OR1D2: variants seen among roughly 807,000 people sequenced by gnomAD.
The protein encoded by OR1D2 is olfactory receptor family 1 subfamily D member 2.
For synonymous variants in OR1D2, 157 were observed against 153.9 expected (o/e 1.02, Z -0.15); for missense variants, 357 against 376.1 (o/e 0.95, Z 0.42).
At position 3,092,631 on chromosome 17, in the gene OR1D2, G is replaced by A; in HGVS notation, c.366C>T (p.Arg122=). ...GGAGGGGGCAGCAGATGGCCACATAGCGGTCATATGCCATCACAGCCAGGA... is the reference window on the plus strand; with the variant it reads ...GGAGGGGGCAGCAGATGGCCACATAACGGTCATATGCCATCACAGCCAGGA... ...NLILAVMAYD[R]YVAICCPLHY... The change falls in exon 2 of 2, where the codon CGC becomes CGT. Residue 122 remains arginine (R), a synonymous_variant. Coordinates refer to ENST00000641833, the MANE Select transcript of OR1D2 (RefSeq NM_002548.3). 1 of 1,614,014 alleles carries A rather than the reference G, an allele frequency of 6.2e-7. No homozygotes were observed. The highest frequency in any genetic ancestry group is 8.5e-7 in the Non-Finnish European group (1 of 1,179,984).
chr17:3,102,490 T>A (rs2047879463), intron 1 of OR1D2, among the ~76,000 whole-genome samples: 1 of 152,164 alleles, frequency 6.6e-6, no homozygotes, highest in South Asian at 2.1e-4. Flanking sequence ...TGTATATACA[T>A]CTTTTATTTA....
chr17:3,098,991 A>G (rs901769832), intron 1 of OR1D2, among the ~76,000 whole-genome samples: 6 of 152,174 alleles, frequency 3.9e-5, no homozygotes, highest in Non-Finnish European at 7.3e-5. Context: ...AAAAGAATGA[A>G]AAGAAATGAA....
chr17:3,102,857 T>C (rs964923247), intron 1 of OR1D2, among the ~76,000 whole-genome samples: 4 of 152,148 alleles, frequency 2.6e-5, no homozygotes, highest in Non-Finnish European at 5.9e-5. Flanking sequence ...CCCTTTCTAG[T>C]AGGGAACCCA....
intron 1 of OR1D2, among the ~76,000 whole-genome samples, chr17:3,094,298 C>T (rs977433076): frequency 2.6e-5 from 4 of 151,902 alleles, no homozygotes; most frequent in Admixed American, 2.0e-4. Context: ...TTAAAACATA[C>T]TAAAGATTAA....
chr17:3,099,856 A>C (rs1433807960), intron 1 of OR1D2, among the ~76,000 whole-genome samples: 2 of 152,168 alleles, frequency 1.3e-5, no homozygotes, highest in Non-Finnish European at 2.9e-5. Context: ...AAAGCAAAAA[A>C]ATAAAAAATA....
intron 1 of OR1D2, among the ~76,000 whole-genome samples, chr17:3,100,189 T>C (rs760894446): frequency 6.6e-6 from 1 of 152,198 alleles, no homozygotes; most frequent in Non-Finnish European, 1.5e-5. Flanking sequence ...GTGGAGCTAA[T>C]AGACATCTAC....
chr17:3,101,474 C>T (rs1045993977), intron 1 of OR1D2, among the ~76,000 whole-genome samples: 1 of 152,060 alleles, frequency 6.6e-6, no homozygotes, highest in Non-Finnish European at 1.5e-5. Context: ...ATTCAACATC[C>T]CTTCATGTTA....
At position 3,104,196 on chromosome 17, in the gene OR1D2, C is replaced by T. The variant is rs1168051442; in HGVS notation, c.-148G>A. 2.6e-5 allele frequency: 4 copies of T among 152,140 alleles called. No individual in the cohort carries two copies. Among genetic ancestry groups the T allele is most frequent in the Admixed American group, 6.5e-5 (1 of 15,268 alleles). The allele number at this position is 152,140 out of a possible 1,614,324, so 9.4% of individuals were successfully genotyped here. A position where few individuals can be genotyped will look rare whatever the true frequency, so the allele number is the denominator to read the frequency against. On this transcript the variant is annotated 5_prime_UTR_variant, in exon 1 of 2. Coordinates refer to ENST00000641833, the MANE Select transcript of OR1D2 (RefSeq NM_002548.3). ...AAAACACATTCAGGTCATAAAAGAC[C>T]AGAATGCATTATTTTCTGAATAGGT... is the stretch of plus-strand genomic sequence containing the variant.
chr17:3,093,031 A>G lies in OR1D2; in HGVS notation c.-35T>C. The G allele has an allele frequency of 6.3e-7, 1 of 1,582,236 alleles. No homozygotes were observed. The highest frequency in any genetic ancestry group is 8.6e-7 in the Non-Finnish European group (1 of 1,157,572). On this transcript the variant is annotated 5_prime_UTR_variant, in exon 2 of 2. Coordinates refer to ENST00000641833, the MANE Select transcript of OR1D2 (RefSeq NM_002548.3). Reference sequence around the variant, plus strand: ...TCTCTTTTAACATTAACACCAGCAAATGTTTACCAAAAGTCCTTAATTGAA... The same window carrying G: ...TCTCTTTTAACATTAACACCAGCAAGTGTTTACCAAAAGTCCTTAATTGAA...
intron 1 of OR1D2, among the ~76,000 whole-genome samples, chr17:3,098,513 A>G (rs2047858183): frequency 6.6e-6 from 1 of 152,202 alleles, no homozygotes; most frequent in South Asian, 2.1e-4. Context: ...ACCCCATCCA[A>G]GGGGCGGCAG....
Position 3,092,768 on chromosome 17 carries a change from T to C in OR1D2, c.229A>G (p.Thr77Ala), listed in dbSNP as rs370800261. The stretch of plus-strand genomic sequence containing the variant: ...AGGTTCACCAGCATCTTGGGGATTG[T>C]GTTGGTGACAAAGAAGAGGTCAGTG... ...SFTDLFFVTNTIPKMLVNLQS... is the reference protein window; with the variant it reads ...SFTDLFFVTNAIPKMLVNLQS... The change falls in exon 2 of 2, where the codon ACA (threonine) becomes GCA (alanine). Residue 77 changes from threonine to alanine, a missense_variant. Transcript: ENST00000641833. The C allele has an allele frequency of 3.2e-5, 51 of 1,613,904 alleles. No individual in the cohort carries two copies. Among genetic ancestry groups the C allele is most frequent in the Non-Finnish European group, 4.0e-5 (47 of 1,180,018 alleles).
At position 3,092,308 on chromosome 17, in the gene OR1D2, G is replaced by C; in HGVS notation, c.689C>G (p.Ser230Ter). 6.2e-7 allele frequency: 1 copy of C among 1,614,168 alleles called. No homozygotes were observed. Among genetic ancestry groups the C allele is most frequent in the Non-Finnish European group, 8.5e-7 (1 of 1,180,006 alleles). Residue 230 changes from serine to a stop codon, truncating the protein, a stop_gained, in exon 2 of 2, where the codon TCA becomes TGA. Coordinates refer to ENST00000641833, the MANE Select transcript of OR1D2 (RefSeq NM_002548.3). LOFTEE classifies it low-confidence loss of function (END_TRUNC). ...GAAGGCTTTGTATTTCTTAGAGACT[G>C]AGGGTATTCTGAGGATGGCTCTGAT... ...LIIRAILRIP[S>*]VSKKYKAFST... is the part of the protein sequence containing the mutation.
intron 1 of OR1D2, among the ~76,000 whole-genome samples, chr17:3,093,879 C>A (rs1243663735): frequency 6.6e-6 from 1 of 152,132 alleles, no homozygotes; most frequent in Non-Finnish European, 1.5e-5. Flanking sequence ...AAGCTATATA[C>A]TCTTTTGAAT....
chr17:3,099,668 T>A (rs1440679370), intron 1 of OR1D2, among the ~76,000 whole-genome samples: 1 of 152,066 alleles, frequency 6.6e-6, no homozygotes, highest in East Asian at 1.9e-4. Context: ...CATTCACACA[T>A]AACAATATTA....
chr17:3,096,858 A>G (rs1040071633), intron 1 of OR1D2, among the ~76,000 whole-genome samples: 29 of 152,358 alleles, frequency 1.9e-4, no homozygotes, highest in African/African-American at 5.8e-4. Flanking sequence ...CTGTAAATTA[A>G]CTGCGCCTAA....
intron 1 of OR1D2, among the ~76,000 whole-genome samples, chr17:3,096,819 T>A (rs113914869): frequency 0.04 from 5,906 of 149,398 alleles, 379 homozygotes; most frequent in African/African-American, 0.14. Context: ...ACTAGAAAGA[T>A]CAACAAGGAA....
chr17:3,094,317 A>C (rs2047832127), intron 1 of OR1D2, among the ~76,000 whole-genome samples: 1 of 152,164 alleles, frequency 6.6e-6, no homozygotes, highest in African/African-American at 2.4e-5. Flanking sequence ...AAAATACTAT[A>C]GTGTGCCTTT....
chr17:3,093,387 C>T (rs1383182270), intron 1 of OR1D2, among the ~76,000 whole-genome samples: 1 of 152,060 alleles, frequency 6.6e-6, no homozygotes, highest in Non-Finnish European at 1.5e-5. Flanking sequence ...GGAGTAGGAA[C>T]AATTATTATT....
At chr17:3,096,523 G>A (rs890989994) in intron 1 of OR1D2, among the ~76,000 whole-genome samples, 1 of 152,208 alleles carries the variant, frequency 6.6e-6, no homozygotes, top group South Asian at 2.1e-4. Flanking sequence ...ATCACTTTGG[G>A]AGGCTGAGGT....
Sources: gnomAD v4.1 joint callset for allele counts (sites outside exome capture counted in the v4.1 genomes callset) on GRCh38, gnomAD v4.1.1 for gene constraint, MANE v1.5 for transcripts, NCBI Gene and HGNC (gene_info 2026-07-23, HGNC 2026-07-21) for gene names.